Variants in RGS8 observed in about 807,000 individuals in gnomAD.
RGS8 encodes regulator of G protein signaling 8.
In RGS8, 8 loss-of-function variants were observed where a neutral mutation model predicts 21.7. The ratio of observed to expected loss-of-function variants is 0.37; its 90% CI spans 0.22 to 0.66. The LOEUF (loss-of-function observed/expected upper bound fraction) is 0.66, where lower values mean the gene tolerates loss of function less well. Ranked by LOEUF, RGS8 falls within the 30% of genes least tolerant of loss-of-function variation. The pLI, the probability that RGS8 is intolerant of heterozygous loss-of-function variation, is 0.59. For missense variants in RGS8, 157 were observed against 217.9 expected (o/e 0.72, Z 1.76); for synonymous variants, 80 against 83.6 (o/e 0.96, Z 0.24).
the RGS8 span, among the ~76,000 whole-genome samples, chr1:182,722,596 T>G: frequency 1.3e-4 from 20 of 152,222 alleles, no homozygotes; most frequent in East Asian, 3.5e-3. Flanking sequence ...CGGGGTTACT[T>G]GGCTTGCAGC....
chr1:182,712,020 A>G, the RGS8 span, among the ~76,000 whole-genome samples: 1 of 152,168 alleles, frequency 6.6e-6, no homozygotes, highest in South Asian at 2.1e-4. Flanking sequence ...AATGTCAGGA[A>G]CCCTATAAGT....
chr1:182,719,816 T>A, the RGS8 span, among the ~76,000 whole-genome samples: 1 of 152,214 alleles, frequency 6.6e-6, no homozygotes, highest in Non-Finnish European at 1.5e-5. Context: ...TTTATACCAT[T>A]TATAGTCACT....
At chr1:182,671,141 C>T (rs1400695526) in intron 2 of RGS8, among the ~76,000 whole-genome samples, 1 of 152,204 alleles carries the variant, frequency 6.6e-6, no homozygotes, top group Admixed American at 6.5e-5. Flanking sequence ...CACTGGCTTG[C>T]CCATGCTGTT....
At chr1:182,737,623 C>T in the RGS8 span, among the ~76,000 whole-genome samples, 1 of 152,174 alleles carries the variant, frequency 6.6e-6, no homozygotes. Flanking sequence ...ATTGTGAGGC[C>T]TCCCCAGACA....
the RGS8 span, among the ~76,000 whole-genome samples, chr1:182,691,333 T>C: frequency 4.6e-5 from 7 of 152,156 alleles, no homozygotes; most frequent in African/African-American, 1.2e-4. Context: ...CCCAACTTCA[T>C]TTCTAGTATC....
chr1:182,645,194 T>C, downstream of RGS8: 1 of 152,244 alleles, frequency 6.6e-6, no homozygotes, highest in Admixed American at 6.5e-5. Context: ...TTCTCAATCA[T>C]CTGCACTCCA....
the RGS8 span, among the ~76,000 whole-genome samples, chr1:182,723,293 G>A: frequency 6.6e-6 from 1 of 152,196 alleles, no homozygotes; most frequent in Non-Finnish European, 1.5e-5. Flanking sequence ...CCAGCCATCA[G>A]TGAGGGCTGC....
At chr1:182,701,815 AT>A in the RGS8 span, among the ~76,000 whole-genome samples, 1 of 152,118 alleles carries the variant, frequency 6.6e-6, no homozygotes, top group African/African-American at 2.4e-5. Flanking sequence ...CTTTTAAACT[AT>A]TTGTTTTTTA....
the RGS8 span, among the ~76,000 whole-genome samples, chr1:182,696,216 A>T: frequency 6.6e-6 from 1 of 152,146 alleles, no homozygotes; most frequent in Non-Finnish European, 1.5e-5. Flanking sequence ...ACTTTTAGAC[A>T]TCCCAAAGCC....
At chr1:182,751,750 T>A in the RGS8 span, among the ~76,000 whole-genome samples, 3 of 152,230 alleles carry the variant, frequency 2.0e-5, no homozygotes, top group Non-Finnish European at 4.4e-5. Flanking sequence ...ACCATATACA[T>A]AATTGAATTA....
the RGS8 span, among the ~76,000 whole-genome samples, chr1:182,747,043 C>CTTTTTTTT: frequency 0.017 from 367 of 21,040 alleles, 149 homozygotes; most frequent in Non-Finnish European, 0.024. Flanking sequence ...CACTGCTGGT[C>CTTTTTTTT]TTTTTTTTTT....
chr1:182,718,757 A>G, the RGS8 span, among the ~76,000 whole-genome samples: 2 of 152,232 alleles, frequency 1.3e-5, no homozygotes, highest in Non-Finnish European at 2.9e-5. Flanking sequence ...TTCTCTTTAT[A>G]GTTTTAATTG....
chr1:182,729,297 G>A, the RGS8 span, among the ~76,000 whole-genome samples: 48,817 of 151,960 alleles, frequency 0.32, 7,849 homozygotes, highest in African/African-American at 0.36. Flanking sequence ...GAATTCTAAT[G>A]GGCGTCTTCC....
chr1:182,729,840 A>G, the RGS8 span, among the ~76,000 whole-genome samples: 1 of 152,202 alleles, frequency 6.6e-6, no homozygotes, highest in Non-Finnish European at 1.5e-5. Flanking sequence ...AAAAATTTTA[A>G]GGTTGCCAAT....
chr1:182,704,684 C>T, the RGS8 span, among the ~76,000 whole-genome samples: 1 of 152,202 alleles, frequency 6.6e-6, no homozygotes, highest in Non-Finnish European at 1.5e-5. Context: ...ATGTATGTGT[C>T]ACTTGCTGGG....
upstream of RGS8, among the ~76,000 whole-genome samples, chr1:182,686,965 T>G (rs562893022): frequency 6.6e-6 from 1 of 152,168 alleles, no homozygotes; most frequent in African/African-American, 2.4e-5. Flanking sequence ...AAAGATGAGC[T>G]TTTGAGAAGA....
At chr1:182,750,593 G>A in the RGS8 span, among the ~76,000 whole-genome samples, 1 of 152,100 alleles carries the variant, frequency 6.6e-6, no homozygotes, top group Non-Finnish European at 1.5e-5. Flanking sequence ...TTTGTTGAGG[G>A]TTCCTCTAAC....
the RGS8 span, among the ~76,000 whole-genome samples, chr1:182,741,377 C>T: frequency 1.5e-5 from 2 of 137,454 alleles, 1 homozygote; most frequent in African/African-American, 5.5e-5. Flanking sequence ...CCCCACCTCC[C>T]TCCCGGACGG....
At chr1:182,678,087 G>T (rs760202932) in intron 1 of RGS8, among the ~76,000 whole-genome samples, 1 of 152,160 alleles carries the variant, frequency 6.6e-6, no homozygotes, top group Non-Finnish European at 1.5e-5. Context: ...AGACATTATC[G>T]TTATTTTTTA....
Sources: gnomAD v4.1 joint callset for allele counts (sites outside exome capture counted in the v4.1 genomes callset) on GRCh38, gnomAD v4.1.1 for gene constraint, MANE v1.5 for transcripts, NCBI Gene and HGNC (gene_info 2026-07-23, HGNC 2026-07-21) for gene names.